The following SLC60A1 variants were observed in gnomAD, a reference collection of about 807,000 sequenced individuals.
SLC60A1 encodes the protein major facilitator superfamily domain containing 4.
At chr1:205,580,122 T>C in the SLC60A1 span, among the ~76,000 whole-genome samples, 1 of 152,174 alleles carries the variant, frequency 6.6e-6, no homozygotes, top group Non-Finnish European at 1.5e-5. This position sits in a 1 kb window ranked among gnomAD's most constrained non-coding sequence, Gnocchi z 5.0. Context: ...CTGCCCTCAC[T>C]GCAGGGTGTC....
At chr1:205,600,292 A>G in the SLC60A1 span, 5 of 1,111,594 alleles carry the variant, frequency 4.5e-6, no homozygotes, top group Non-Finnish European at 4.0e-6. Context: ...TGCTCCCTCT[A>G]GAGCCACAGA....
chr1:205,579,270 T>C, the SLC60A1 span, among the ~76,000 whole-genome samples: 1 of 152,066 alleles, frequency 6.6e-6, no homozygotes, highest in Non-Finnish European at 1.5e-5. Context: ...CATTCCTGTG[T>C]GGGGAGGACA....
the SLC60A1 span, among the ~76,000 whole-genome samples, chr1:205,572,046 G>A: frequency 2.7e-3 from 413 of 152,324 alleles, 1 homozygote; most frequent in African/African-American, 9.6e-3. Context: ...GCCTCCATAG[G>A]GATGTGCTTT....
chr1:205,595,923 T>G, the SLC60A1 span, among the ~76,000 whole-genome samples: 8 of 152,074 alleles, frequency 5.3e-5, no homozygotes, highest in Non-Finnish European at 1.0e-4. Context: ...GGGGGCAGTG[T>G]TGATTTAAAT....
chr1:205,586,504 C>T, the SLC60A1 span, among the ~76,000 whole-genome samples: 4,026 of 152,118 alleles, frequency 0.026, 152 homozygotes, highest in African/African-American at 0.089. Flanking sequence ...GGAGCCCATC[C>T]CAGCCAACAA....
chr1:205,579,904 G>A, the SLC60A1 span: 1 of 1,614,048 alleles, frequency 6.2e-7, no homozygotes, highest in Non-Finnish European at 8.5e-7. Context: ...TGGCCAACAT[G>A]CAGCTGGTAA....
chr1:205,602,895 C>A, the SLC60A1 span: 1 of 152,208 alleles, frequency 6.6e-6, no homozygotes, highest in African/African-American at 2.4e-5. Context: ...GAGTACCTTT[C>A]CTAAAATAAA....
At chr1:205,591,617 G>C in the SLC60A1 span, among the ~76,000 whole-genome samples, 577 of 152,190 alleles carry the variant, frequency 3.8e-3, 4 homozygotes, top group African/African-American at 0.013. Flanking sequence ...CCCTCTCCCT[G>C]GGTGGCTGGC....
chr1:205,586,189 C>A, the SLC60A1 span: 1 of 1,613,392 alleles, frequency 6.2e-7, no homozygotes, highest in Non-Finnish European at 8.5e-7. Context: ...AGCCGGCCAC[C>A]ATGGTTTTCA....
At chr1:205,594,845 C>T in the SLC60A1 span, among the ~76,000 whole-genome samples, 3 of 152,042 alleles carry the variant, frequency 2.0e-5, no homozygotes, top group Admixed American at 1.3e-4. Flanking sequence ...GGCTTGTCTC[C>T]TTGTCTTCAG....
At chr1:205,600,440 C>T in the SLC60A1 span, 49 of 1,614,014 alleles carry the variant, frequency 3.0e-5, no homozygotes, top group Middle Eastern at 3.3e-4. Context: ...GAATGGAAAA[C>T]TCTGAGTGCT....
the SLC60A1 span, among the ~76,000 whole-genome samples, chr1:205,588,555 G>T: frequency 1.3e-5 from 2 of 151,600 alleles, no homozygotes; most frequent in Admixed American, 1.3e-4. Flanking sequence ...ATGGAGAAGA[G>T]CCTGGGCCTC....
chr1:205,580,724 T>C, the SLC60A1 span: 1 of 1,613,970 alleles, frequency 6.2e-7, no homozygotes, highest in Non-Finnish European at 8.5e-7. The surrounding 1 kb of genome is among the most constrained non-coding windows in gnomAD (Gnocchi z 5.0). Context: ...CCCTTTCCTG[T>C]CTGAGGCCAA....
At chr1:205,584,804 A>G in the SLC60A1 span, 1 of 1,408,422 alleles carries the variant, frequency 7.1e-7, no homozygotes. Flanking sequence ...ACTGCCAGCC[A>G]CGGCCCTGGG....
At chr1:205,575,377 G>A in the SLC60A1 span, among the ~76,000 whole-genome samples, 1 of 152,130 alleles carries the variant, frequency 6.6e-6, no homozygotes, top group Non-Finnish European at 1.5e-5. Context: ...AGAGAATGTC[G>A]ATGCCATCAG....
the SLC60A1 span, among the ~76,000 whole-genome samples, chr1:205,569,489 T>TCCCTCCCTCCCTCCCC: frequency 3.0e-5 from 2 of 65,700 alleles, no homozygotes; most frequent in African/African-American, 5.0e-5. Context: ...CCTCCCTCCC[T>TCCCTCCCTCCCTCCCC]CCCTCCCCCG....
chr1:205,596,148 A>T, the SLC60A1 span, among the ~76,000 whole-genome samples: 1 of 152,188 alleles, frequency 6.6e-6, no homozygotes, highest in African/African-American at 2.4e-5. Flanking sequence ...TTAAAAAAAA[A>T]TAGTGTCTAC....
At chr1:205,574,893 T>C in the SLC60A1 span, among the ~76,000 whole-genome samples, 2 of 152,270 alleles carry the variant, frequency 1.3e-5, no homozygotes, top group East Asian at 3.9e-4. Flanking sequence ...TCTAACAGGG[T>C]GGTCCTGCCG....
chr1:205,571,727 G>A, the SLC60A1 span, among the ~76,000 whole-genome samples: 1 of 152,182 alleles, frequency 6.6e-6, no homozygotes, highest in Admixed American at 6.5e-5. Flanking sequence ...AGCTCCACCA[G>A]CCCTGCAACA....
Sources: gnomAD v4.1 joint callset for allele counts (sites outside exome capture counted in the v4.1 genomes callset) on GRCh38, gnomAD v4.1.1 for gene constraint, Gnocchi (gnomAD v3.1) non-coding constraint, MANE v1.5 for transcripts, NCBI Gene and HGNC (gene_info 2026-07-23, HGNC 2026-07-21) for gene names.